HS3ST4: variants seen among roughly 807,000 people sequenced by gnomAD.
The protein encoded by HS3ST4 is heparan sulfate-glucosamine 3-sulfotransferase 4.
HS3ST4 carries 17 observed loss-of-function variants against 29.2 expected under a neutral mutation model. That is an observed-to-expected ratio of 0.58 (90% CI 0.40 to 0.87). The LOEUF is 0.87. HS3ST4 is among the 40% of genes least tolerant of loss of function. The pLI is 0.00. For synonymous variants in HS3ST4, 314 were observed against 285.7 expected (o/e 1.10, Z -1.00); for missense variants, 627 against 634.5 (o/e 0.99, Z 0.13).
At chr16:26,115,183 T>A (rs571553777) in intron 1 of HS3ST4, among the ~76,000 whole-genome samples, 4 of 145,350 alleles carry the variant, frequency 2.8e-5, no homozygotes, top group South Asian at 4.6e-4. Flanking sequence ...CCCAAAACAC[T>A]ATTATGTATT....
intron 1 of HS3ST4, among the ~76,000 whole-genome samples, chr16:25,741,586 T>C (rs540744424): frequency 6.6e-6 from 1 of 152,254 alleles, no homozygotes; most frequent in Non-Finnish European, 1.5e-5. Flanking sequence ...AACCCTTTTG[T>C]CTGCAGTATT....
chr16:25,972,717 T>C (rs1968909512), intron 1 of HS3ST4, among the ~76,000 whole-genome samples: 1 of 152,088 alleles, frequency 6.6e-6, no homozygotes, highest in Non-Finnish European at 1.5e-5. Context: ...TAGAAGGAAG[T>C]CTTTAGGTCC....
chr16:25,760,366 C>G (rs777875768), intron 1 of HS3ST4, among the ~76,000 whole-genome samples: 1 of 151,940 alleles, frequency 6.6e-6, no homozygotes, highest in Non-Finnish European at 1.5e-5. Context: ...TCTGTCTAAT[C>G]CCTTTTGTTA....
intron 1 of HS3ST4, among the ~76,000 whole-genome samples, chr16:26,129,806 C>G (rs897578016): frequency 1.3e-5 from 2 of 152,164 alleles, no homozygotes; most frequent in Non-Finnish European, 2.9e-5. Context: ...AGACGTCAGT[C>G]TAGCTTCAGA....
At chr16:25,946,669 T>A (rs1016622269) in intron 1 of HS3ST4, among the ~76,000 whole-genome samples, 11 of 152,054 alleles carry the variant, frequency 7.2e-5, no homozygotes, top group African/African-American at 9.7e-5. Flanking sequence ...TATGCACAAA[T>A]GTGAAATTGC....
chr16:25,973,852 A>G lies in HS3ST4; in HGVS notation c.735-161760A>G, dbSNP rs1038323068. 5.9e-5 allele frequency among the ~76,000 whole-genome samples: 9 copies of G among 152,278 alleles called. No individual in the cohort carries two copies. The South Asian group carries it at 8.3e-4, about 14-fold the overall frequency. On this transcript the variant is annotated intron_variant, in intron 1 of 1. Transcript: ENST00000331351. ...ACTTGCTAATAATTGGCAGAGTGCA[A>G]CCCCAAGCTATTTGACTTTATAGTC...
At chr16:25,833,347 G>A (rs1967324887) in intron 1 of HS3ST4, among the ~76,000 whole-genome samples, 1 of 152,096 alleles carries the variant, frequency 6.6e-6, no homozygotes, top group East Asian at 1.9e-4. Context: ...TGATCTTGGA[G>A]TCAACCAAAT....
intron 1 of HS3ST4, among the ~76,000 whole-genome samples, chr16:26,117,558 A>G (rs1437860317): frequency 6.6e-6 from 1 of 152,222 alleles, no homozygotes; most frequent in African/African-American, 2.4e-5. Flanking sequence ...CTCCATATCC[A>G]ACTAAATGCT....
intron 1 of HS3ST4, among the ~76,000 whole-genome samples, chr16:26,106,552 A>G (rs1899059846): frequency 6.6e-6 from 1 of 152,224 alleles, no homozygotes; most frequent in Non-Finnish European, 1.5e-5. Flanking sequence ...GTCCTGATTT[A>G]TAGTCATGCA....
chr16:25,739,852 A>G (rs1966640664), intron 1 of HS3ST4, among the ~76,000 whole-genome samples: 1 of 152,176 alleles, frequency 6.6e-6, no homozygotes, highest in African/African-American at 2.4e-5. Context: ...TCTGAATTTG[A>G]CATCTTCCTG....
At chr16:25,923,562 C>G (rs1260056823) in intron 1 of HS3ST4, among the ~76,000 whole-genome samples, 1 of 152,086 alleles carries the variant, frequency 6.6e-6, no homozygotes, top group Admixed American at 6.6e-5. Context: ...GGGGATGACC[C>G]TTCATTATAC....
At chr16:25,965,360 A>C (rs1968832883) in intron 1 of HS3ST4, among the ~76,000 whole-genome samples, 1 of 151,312 alleles carries the variant, frequency 6.6e-6, no homozygotes, top group Non-Finnish European at 1.5e-5. Flanking sequence ...GCAGTAAGCC[A>C]AGATTGTGCC....
chr16:26,106,013 T>A (rs555165766), intron 1 of HS3ST4, among the ~76,000 whole-genome samples: 1 of 152,096 alleles, frequency 6.6e-6, no homozygotes, highest in Non-Finnish European at 1.5e-5. Context: ...AAATAAGGAA[T>A]GGAAGAAAGA....
At chr16:25,947,536 A>G (rs955503795) in intron 1 of HS3ST4, among the ~76,000 whole-genome samples, 2 of 144,282 alleles carry the variant, frequency 1.4e-5, no homozygotes, top group African/African-American at 5.3e-5. Flanking sequence ...GCGGTCACCC[A>G]GGTCATGCTT....
chr16:25,906,259 A>G (rs540135120), intron 1 of HS3ST4, among the ~76,000 whole-genome samples: 91 of 152,278 alleles, frequency 6.0e-4, no homozygotes, highest in Non-Finnish European at 7.4e-4. Flanking sequence ...CTTTGTATAC[A>G]GAGATGAAGT....
chr16:26,123,829 C>CT (rs1899307945), intron 1 of HS3ST4, among the ~76,000 whole-genome samples: 1 of 152,196 alleles, frequency 6.6e-6, no homozygotes, highest in South Asian at 2.1e-4. Context: ...ATTGAAGTTG[C>CT]TGCAAAAGAC....
Position 26,136,049 on chromosome 16 carries a change from C to G in HS3ST4, c.1172C>G (p.Thr391Ser), listed in dbSNP as rs748348719. The change falls in exon 2 of 2, where the codon ACC becomes AGC. Residue 391 changes from threonine (T) to serine (S), a missense_variant. Transcript: ENST00000331351. ...VTEKHFYFNK[T>S]KGFPCLKKPE... ...GAGAAGCATTTCTATTTCAACAAAA[C>G]CAAGGGGTTCCCTTGCCTAAAGAAG... 1.9e-6 allele frequency: 3 copies of G among 1,613,720 alleles called. No homozygotes were observed. Among genetic ancestry groups the G allele is most frequent in the Non-Finnish European group, 2.5e-6 (3 of 1,179,854 alleles).
At chr16:25,784,202 C>T (rs899743626) in intron 1 of HS3ST4, among the ~76,000 whole-genome samples, 20 of 152,064 alleles carry the variant, frequency 1.3e-4, no homozygotes, top group African/African-American at 4.6e-4. Context: ...CTGGACATGC[C>T]CTTACCTCTC....
chr16:25,765,305 T>C (rs764732469), intron 1 of HS3ST4, among the ~76,000 whole-genome samples: 1 of 152,146 alleles, frequency 6.6e-6, no homozygotes, highest in Non-Finnish European at 1.5e-5. Context: ...CAAGGTGTTA[T>C]GAAAATGCGG....
Sources: gnomAD v4.1 joint callset for allele counts (sites outside exome capture counted in the v4.1 genomes callset) on GRCh38, gnomAD v4.1.1 for gene constraint, MANE v1.5 for transcripts, NCBI Gene and HGNC (gene_info 2026-07-23, HGNC 2026-07-21) for gene names.